The following ADAMTS18 variants were observed in gnomAD, a reference collection of about 807,000 sequenced individuals.
ADAMTS18 encodes the protein ADAM metallopeptidase with thrombospondin type 1 motif 18, also known as A disintegrin and metalloproteinase with thrombospondin motifs 18.
In ADAMTS18, 157 loss-of-function variants were observed where a neutral mutation model predicts 165.9. The ratio of observed to expected loss-of-function variants is 0.95; its 90% CI spans 0.83 to 1.08. The LOEUF (loss-of-function observed/expected upper bound fraction) is 1.08. Ranked by LOEUF, ADAMTS18 falls within the 50% of genes least tolerant of loss-of-function variation. The pLI, the probability that ADAMTS18 is intolerant of heterozygous loss-of-function variation, is 0.00. For synonymous variants in ADAMTS18, 782 were observed against 578.2 expected, an observed-to-expected ratio of 1.35 and a Z score of -5.06; for missense variants, 2,040 against 1,534.0, an observed-to-expected ratio of 1.33 and a Z score of -5.51.
intron 17 of ADAMTS18, among the ~76,000 whole-genome samples, chr16:77,299,517 GA>G (rs1158184047): frequency 6.6e-6 from 1 of 152,146 alleles, no homozygotes; most frequent in Non-Finnish European, 1.5e-5. Flanking sequence ...TAGTGGGATG[GA>G]ACCAGTAGGA....
intron 3 of ADAMTS18, among the ~76,000 whole-genome samples, chr16:77,403,450 T>G (rs1031691267): frequency 1.1e-4 from 17 of 152,180 alleles, no homozygotes; most frequent in Admixed American, 9.2e-4. Flanking sequence ...GACTCTGTGC[T>G]TCTAACTCAC....
intron 3 of ADAMTS18, among the ~76,000 whole-genome samples, chr16:77,416,215 C>T (rs553249332): frequency 2.0e-5 from 3 of 152,208 alleles, no homozygotes; most frequent in African/African-American, 7.2e-5. Flanking sequence ...ATTCCAAGTG[C>T]AGTCACTGAG....
intron 22 of ADAMTS18, among the ~76,000 whole-genome samples, chr16:77,289,021 G>A (rs899494742): frequency 9.9e-5 from 15 of 152,150 alleles, no homozygotes; most frequent in Non-Finnish European, 1.8e-4. Flanking sequence ...GGAGGCAGAG[G>A]TTACAGTGAG....
At chr16:77,373,990 G>C (rs1023172492) in intron 3 of ADAMTS18, among the ~76,000 whole-genome samples, 2 of 152,098 alleles carry the variant, frequency 1.3e-5, no homozygotes, top group Admixed American at 1.3e-4. Context: ...AGGCCAAGGA[G>C]TGCAGATCAC....
At chr16:77,314,753 C>CTTATATATATATATATATATAT (rs1555511655) in intron 16 of ADAMTS18, among the ~76,000 whole-genome samples, 834 of 36,768 alleles carry the variant, frequency 0.023, 219 homozygotes, top group Non-Finnish European at 0.03. Flanking sequence ...TCTCAGGTTT[C>CTTATATATATATATATATATAT]ATATATATAT....
intron 3 of ADAMTS18, among the ~76,000 whole-genome samples, chr16:77,425,937 T>C (rs1342362194): frequency 1.3e-5 from 2 of 151,996 alleles, no homozygotes; most frequent in African/African-American, 4.8e-5. Context: ...TCCCAGCTGC[T>C]TGGGAGGCTG....
intron 11 of ADAMTS18, among the ~76,000 whole-genome samples, chr16:77,338,545 C>T (rs757146608): frequency 6.6e-6 from 1 of 151,994 alleles, no homozygotes; most frequent in Non-Finnish European, 1.5e-5. Flanking sequence ...GCCCAGCATA[C>T]ATATTTCTGG....
At chr16:77,315,500 G>A (rs1324913817) in intron 16 of ADAMTS18, among the ~76,000 whole-genome samples, 4 of 152,138 alleles carry the variant, frequency 2.6e-5, no homozygotes, top group Non-Finnish European at 5.9e-5. Context: ...CACGCCTGTG[G>A]GTGTGCAGGT....
chr16:77,382,579 T>C (rs904137909), intron 3 of ADAMTS18, among the ~76,000 whole-genome samples: 4 of 152,198 alleles, frequency 2.6e-5, no homozygotes, highest in Non-Finnish European at 2.9e-5. Flanking sequence ...TCATGAAGAC[T>C]TTCTCAATCT....
intron 3 of ADAMTS18, among the ~76,000 whole-genome samples, chr16:77,399,735 A>G (rs2057302073): frequency 6.6e-6 from 1 of 152,190 alleles, no homozygotes; most frequent in African/African-American, 2.4e-5. Flanking sequence ...AAACATGTCA[A>G]TAGCTACTAT....
At chr16:77,322,961 G>A (rs1243729830) in intron 13 of ADAMTS18, among the ~76,000 whole-genome samples, 3 of 151,894 alleles carry the variant, frequency 2.0e-5, no homozygotes, top group African/African-American at 4.8e-5. Context: ...CAGGCACCAG[G>A]GAGAAAAGGC....
At chr16:77,408,834 C>T (rs79694500) in intron 3 of ADAMTS18, among the ~76,000 whole-genome samples, 1 of 152,190 alleles carries the variant, frequency 6.6e-6, no homozygotes, top group Non-Finnish European at 1.5e-5. Context: ...ACAACAGTTC[C>T]TCCTTAACCA....
chr16:77,302,110 A>C (rs1238401403), intron 16 of ADAMTS18, among the ~76,000 whole-genome samples: 1 of 149,866 alleles, frequency 6.7e-6, no homozygotes, highest in Non-Finnish European at 1.5e-5. Context: ...AATAAATACT[A>C]TGCTTTCCTT....
At chr16:77,344,692 A>G (rs2056449609) in intron 10 of ADAMTS18, among the ~76,000 whole-genome samples, 2 of 152,056 alleles carry the variant, frequency 1.3e-5, no homozygotes, top group Non-Finnish European at 2.9e-5. Flanking sequence ...ATGCCAAGCC[A>G]CAGAACCAAG....
chr16:77,429,942 T>C (rs1395859046), intron 3 of ADAMTS18, among the ~76,000 whole-genome samples: 2 of 152,202 alleles, frequency 1.3e-5, no homozygotes, highest in Non-Finnish European at 2.9e-5. Flanking sequence ...AACACAGAGT[T>C]AAACAATTTG....
intron 16 of ADAMTS18, among the ~76,000 whole-genome samples, chr16:77,310,382 A>T (rs1188752804): frequency 2.0e-5 from 3 of 152,180 alleles, no homozygotes; most frequent in Non-Finnish European, 2.9e-5. Flanking sequence ...ACACAGTAGA[A>T]GACATTAGTT....
At chr16:77,396,826 A>C (rs963173781) in intron 3 of ADAMTS18, among the ~76,000 whole-genome samples, 3 of 141,770 alleles carry the variant, frequency 2.1e-5, no homozygotes, top group African/African-American at 7.7e-5. Flanking sequence ...TAATTTTTTG[A>C]GACACAGTCT....
At chr16:77,412,935 A>G (rs2057483915) in intron 3 of ADAMTS18, among the ~76,000 whole-genome samples, 1 of 152,068 alleles carries the variant, frequency 6.6e-6, no homozygotes. Flanking sequence ...GGTTTCAAGC[A>G]ATGCTCCCGC....
chr16:77,297,561 A>C (rs2055498188), intron 17 of ADAMTS18, 146 bp from the exon 18 acceptor site: 1 of 744,236 alleles, frequency 1.3e-6, no homozygotes, highest in Non-Finnish European at 2.2e-6. Flanking sequence ...CCTTTTGATG[A>C]AATTTGCAAC....
Sources: allele counts gnomAD v4.1 joint callset (sites outside exome capture counted in the v4.1 genomes callset), GRCh38; gene constraint gnomAD v4.1.1; transcripts MANE v1.5; gene names NCBI Gene and HGNC (gene_info 2026-07-23, HGNC 2026-07-21).